Variants in ABCC11 observed in about 807,000 individuals in gnomAD.
ABCC11 encodes the protein ATP-binding cassette sub-family C member 11.
Under a neutral mutation model 149.3 loss-of-function variants are expected in ABCC11, and 135 were observed. The ratio of observed to expected loss-of-function variants is 0.90; its 90% CI spans 0.79 to 1.04. ABCC11 has a LOEUF of 1.04. Among genes scored for constraint, ABCC11 ranks in the 50% least tolerant of loss-of-function variants. The pLI, the probability that ABCC11 is intolerant of heterozygous loss-of-function variation, is 0.00. For synonymous variants in ABCC11, 665 were observed against 671.4 expected, an observed-to-expected ratio of 0.99 and a Z score of 0.15; for missense variants, 1,680 against 1,722.1, an observed-to-expected ratio of 0.98 and a Z score of 0.43.
At chr16:48,213,410 A>AG (rs1206407355) in intron 10 of ABCC11, 33 bp downstream of exon 10, 2 of 1,568,434 alleles carry the variant, frequency 1.3e-6, no homozygotes, top group Non-Finnish European at 8.7e-7. Context: ...GCGTCCAAGC[A>AG]GGGGGCCTAC....
At chr16:48,245,934 T>C (rs1215349712) in intron 1 of ABCC11, among the ~76,000 whole-genome samples, 1 of 152,160 alleles carries the variant, frequency 6.6e-6, no homozygotes, top group African/African-American at 2.4e-5. Context: ...GTTTTCAGTT[T>C]AGAGCTTCTC....
chr16:48,191,488 C>A (rs1379151881), intron 20 of ABCC11, among the ~76,000 whole-genome samples: 2 of 152,182 alleles, frequency 1.3e-5, no homozygotes, highest in African/African-American at 4.8e-5. Flanking sequence ...AAGCTGTGAT[C>A]ACACCACTGC....
At chr16:48,206,389 T>C (rs1489636054) in intron 12 of ABCC11, among the ~76,000 whole-genome samples, 1 of 152,194 alleles carries the variant, frequency 6.6e-6, no homozygotes, top group Non-Finnish European at 1.5e-5. Flanking sequence ...CTGCTGCATC[T>C]AGATGGTGGG....
Position 48,247,404 on chromosome 16 carries a change from G to A in ABCC11, c.-109C>T, listed in dbSNP as rs1971468286. The A allele has an allele frequency of 6.7e-6, 1 of 149,206 alleles. No individual in the cohort carries two copies. The highest frequency in any genetic ancestry group is 1.5e-5 in the Non-Finnish European group (1 of 67,274). The allele number at this position is 149,206 out of a possible 1,614,324, so 9.2% of individuals were successfully genotyped here. On this transcript the variant is annotated 5_prime_UTR_variant, in exon 1 of 30. Transcript: ENST00000356608. ...GCGCTATCCAGGTGACGCTGGCACA[G>A]CCTTCAAAGAGCAGCAGAAGTAATT...
intron 1 of ABCC11, among the ~76,000 whole-genome samples, chr16:48,243,266 T>G (rs1317547050): frequency 6.6e-6 from 1 of 151,724 alleles, no homozygotes; most frequent in African/African-American, 2.4e-5. Context: ...CCGGGCGTGG[T>G]TGCGGGTGCC....
chr16:48,176,930 C>T lies in ABCC11; in HGVS notation c.3532G>A (p.Gly1178Ser), dbSNP rs778118523. 3 of 1,613,264 alleles carry T rather than the reference C, an allele frequency of 1.9e-6. No individual in the cohort carries two copies. The highest frequency in any genetic ancestry group is 3.3e-5 in the Admixed American group (2 of 59,986). Residue 1178 changes from glycine to serine, a missense_variant, in exon 25 of 30, where the codon GGC (glycine) becomes AGC (serine). Gly to Ser is a moderately conservative substitution (Grantham distance 56, BLOSUM62 0). Coordinates refer to ENST00000356608, the MANE Select transcript of ABCC11 (RefSeq NM_001370497.1). ...CCCAGGAAGCTCAGCTCACCAGAGCCCGTCCTTCCCACGATGCCCACCACT... is the reference window on the plus strand; with the variant it reads ...CCCAGGAAGCTCAGCTCACCAGAGCTCGTCCTTCCCACGATGCCCACCACT... ...HEVVGIVGRT[G>S]SGKSSLGMAL...
rs776757518 is a variant in ABCC11 at position 48,196,216 on chromosome 16, G to A, written c.2404+16C>T. The A allele has an allele frequency of 6.2e-6, 10 of 1,613,630 alleles. No homozygotes were observed. The highest frequency in any genetic ancestry group is 1.1e-5 in the South Asian group (1 of 91,040). ...CTGCTCCAAGAGAGAGCCCTGGGCTGGCATGGGGACCGTACCTCCAGCTGC... is the reference window on the plus strand; with the variant it reads ...CTGCTCCAAGAGAGAGCCCTGGGCTAGCATGGGGACCGTACCTCCAGCTGC... On this transcript the variant is annotated intron_variant, in intron 18 of 29. Coordinates refer to ENST00000356608, the MANE Select transcript of ABCC11 (RefSeq NM_001370497.1).
intron 15 of ABCC11, 96 bp from the exon 16 acceptor site, chr16:48,198,371 A>T: frequency 7.5e-7 from 1 of 1,329,466 alleles, no homozygotes; most frequent in Non-Finnish European, 1.0e-6. Flanking sequence ...ACCATGATAA[A>T]ATATTATTTC....
rs896958022 is a variant in ABCC11, at chr16:48,200,447, C to A, written c.1911G>T (p.Gly637=). The A allele has an allele frequency of 6.2e-7, 1 of 1,614,060 alleles. No individual in the cohort carries two copies. Among genetic ancestry groups the A allele is most frequent in the East Asian group, 2.2e-5 (1 of 44,858 alleles). ...GGGCCAGGCTGATCCTCTGTTTCTG[C>A]CCCCCAGAGAGGTTGAGGCCCCGCT... ...IGERGLNLSG[G]QKQRISLARA... Residue 637 remains glycine (G), a synonymous_variant, in exon 15 of 30, where the codon GGG becomes GGT. Coordinates refer to ENST00000356608, the MANE Select transcript of ABCC11 (RefSeq NM_001370497.1).
At chr16:48,192,047 C>A (rs1966968255) in intron 20 of ABCC11, among the ~76,000 whole-genome samples, 1 of 152,062 alleles carries the variant, frequency 6.6e-6, no homozygotes, top group African/African-American at 2.4e-5. Context: ...ACTTAGGAGG[C>A]CAATGTGGGA....
At chr16:48,212,669 C>G (rs1235015397) in intron 10 of ABCC11, among the ~76,000 whole-genome samples, 3 of 152,298 alleles carry the variant, frequency 2.0e-5, no homozygotes, top group African/African-American at 7.2e-5. Flanking sequence ...AACTCCCTGA[C>G]AGCAGGGACC....
chr16:48,188,135 T>C (rs1966841811), intron 20 of ABCC11, among the ~76,000 whole-genome samples: 1 of 152,240 alleles, frequency 6.6e-6, no homozygotes, highest in Non-Finnish European at 1.5e-5. Flanking sequence ...ACTGCAAACC[T>C]GCCCTGAGCT....
chr16:48,216,171 A>AGG lies in ABCC11; in HGVS notation c.893_894insCC (p.Ile299LeufsTer23). Reference sequence around the variant, plus strand: ...TGGCAATAAATGCAGTGTATCCAATAATGAAGTAGGAAGAAATGCTGCAGA... The same window carrying AGG: ...TGGCAATAAATGCAGTGTATCCAATAGGATGAAGTAGGAAGAAATGCTGCAGA... On this transcript the variant is annotated frameshift_variant, in exon 7 of 30. Transcript: ENST00000356608. LOFTEE classifies it high-confidence loss of function. 6.2e-7 allele frequency: 1 copy of AGG among 1,614,180 alleles called. No homozygotes were observed. Among genetic ancestry groups the AGG allele is most frequent in the Non-Finnish European group, 8.5e-7 (1 of 1,180,024 alleles).
chr16:48,219,768 G>C (rs1430317080), intron 6 of ABCC11, among the ~76,000 whole-genome samples: 2 of 152,084 alleles, frequency 1.3e-5, no homozygotes, highest in African/African-American at 2.4e-5. Flanking sequence ...GTCACCTAAG[G>C]TCAGGAGTTT....
At chr16:48,205,283 G>A (rs967256281) in intron 13 of ABCC11, 130 bp downstream of exon 13, 1 of 1,309,228 alleles carries the variant, frequency 7.6e-7, no homozygotes, top group African/African-American at 1.5e-5. Flanking sequence ...CACAGTGAGG[G>A]GTGAATATGA....
At chr16:48,239,839 A>G (rs1683254891) in intron 1 of ABCC11, among the ~76,000 whole-genome samples, 1 of 152,184 alleles carries the variant, frequency 6.6e-6, no homozygotes, top group Admixed American at 6.5e-5. Context: ...TTTAAAAACA[A>G]ACAACCCCAT....
intron 1 of ABCC11, among the ~76,000 whole-genome samples, chr16:48,232,708 C>A (rs1970488357): frequency 6.6e-6 from 1 of 152,224 alleles, no homozygotes; most frequent in Admixed American, 6.5e-5. Context: ...AGAGCCAGGG[C>A]CATGAGGGTG....
intron 23 of ABCC11, among the ~76,000 whole-genome samples, chr16:48,180,993 C>T (rs1351497621): frequency 6.6e-6 from 1 of 152,218 alleles, no homozygotes; most frequent in Non-Finnish European, 1.5e-5. Context: ...TCCTGTGGTG[C>T]AACAACCTTT....
intron 4 of ABCC11, among the ~76,000 whole-genome samples, chr16:48,224,746 G>C (rs1459757795): frequency 6.6e-6 from 1 of 152,230 alleles, no homozygotes; most frequent in East Asian, 1.9e-4. Flanking sequence ...CACAGGGCCA[G>C]GCGCAGTGGC....
Sources: gnomAD v4.1 joint callset for allele counts (sites outside exome capture counted in the v4.1 genomes callset) on GRCh38, gnomAD v4.1.1 for gene constraint, MANE v1.5 for transcripts, NCBI Gene and HGNC (gene_info 2026-07-23, HGNC 2026-07-21) for gene names.